Variants in ARMC2 observed in about 807,000 individuals in gnomAD.
ARMC2 encodes the protein armadillo repeat-containing protein 2.
ARMC2 carries 67 observed loss-of-function variants against 90.3 expected under a neutral mutation model. That is an observed-to-expected ratio of 0.74 (90% CI 0.61 to 0.91). The LOEUF (loss-of-function observed/expected upper bound fraction) is 0.91, where lower values mean the gene tolerates loss of function less well. Among genes scored for constraint, ARMC2 ranks in the 40% least tolerant of loss-of-function variants. The pLI is 0.00. For synonymous variants in ARMC2, 393 were observed against 393.0 expected (o/e 1.00, Z 0.00); for missense variants, 920 against 1,030.9 (o/e 0.89, Z 1.47).
In ARMC2 at chr6:108,944,045, C is replaced by T. The variant is rs551286542; in HGVS notation, c.1596+7046C>T. The stretch of plus-strand genomic sequence containing the variant: ...TCAAATGAACAGCAGGTTTTGAGAC[C>T]CTATGGTTTAAGTTATTAAGGTGGT... On this transcript the variant is annotated intron_variant, in intron 12 of 17. Coordinates refer to ENST00000392644, the MANE Select transcript of ARMC2 (RefSeq NM_032131.6). 4.6e-5 allele frequency among the ~76,000 whole-genome samples: 7 copies of T among 152,114 alleles called. No individual in the cohort carries two copies. The East Asian group carries it at 1.4e-3, about 29-fold the overall frequency.
chr6:108,992,308 G>A, the ARMC2 span, among the ~76,000 whole-genome samples: 255 of 152,020 alleles, frequency 1.7e-3, 12 homozygotes, highest in South Asian at 0.051. Context: ...TGGAGACAGG[G>A]TTTCCCCTTG....
chr6:108,887,993 C>T (rs1394704846), intron 5 of ARMC2, among the ~76,000 whole-genome samples: 1 of 152,148 alleles, frequency 6.6e-6, no homozygotes. Context: ...ATTAGAGACA[C>T]CCACCACTGT....
intron 11 of ARMC2, among the ~76,000 whole-genome samples, chr6:108,933,366 C>A (rs1775732139): frequency 6.6e-6 from 1 of 151,976 alleles, no homozygotes; most frequent in African/African-American, 2.4e-5. Context: ...CGGCTCTCTG[C>A]TTGGCTGTTG....
intron 3 of ARMC2, among the ~76,000 whole-genome samples, chr6:108,861,600 A>G (rs1422051677): frequency 6.6e-6 from 1 of 152,234 alleles, no homozygotes; most frequent in Non-Finnish European, 1.5e-5. Context: ...GCAGATGACA[A>G]AAACAAGATC....
At chr6:109,028,472 T>TTTG in the ARMC2 span, among the ~76,000 whole-genome samples, 65 of 152,184 alleles carry the variant, frequency 4.3e-4, no homozygotes, top group African/African-American at 1.5e-3. Flanking sequence ...TTTGCATGTA[T>TTTG]GTATGTTAAA....
chr6:108,914,581 C>A (rs1773762732), intron 10 of ARMC2, among the ~76,000 whole-genome samples: 1 of 152,126 alleles, frequency 6.6e-6, no homozygotes, highest in South Asian at 2.1e-4. Flanking sequence ...TGATGGCATC[C>A]ACCCGAACTT....
chr6:108,861,899 A>G (rs1175093482), intron 3 of ARMC2, among the ~76,000 whole-genome samples: 1 of 152,132 alleles, frequency 6.6e-6, no homozygotes, highest in Non-Finnish European at 1.5e-5. Flanking sequence ...AAAGAATCTC[A>G]TTTTCTAGAG....
the ARMC2 span, among the ~76,000 whole-genome samples, chr6:109,042,100 A>G: frequency 6.6e-6 from 1 of 152,260 alleles, no homozygotes; most frequent in South Asian, 2.1e-4. Flanking sequence ...ACACTCAGAA[A>G]TAATTCATGA....
the ARMC2 span, among the ~76,000 whole-genome samples, chr6:109,048,064 CTG>C: frequency 1.3e-5 from 2 of 148,942 alleles, no homozygotes; most frequent in Admixed American, 6.7e-5. Context: ...AAATCCCCCT[CTG>C]TGAGAAACAC....
At position 108,961,145 on chromosome 6, in the gene ARMC2, C is replaced by T. The variant is rs75792790; in HGVS notation, c.1916-427C>T. ...CGTAGTCACAGACGGATCGTGACCCCGGGGCCGTTCTGTTGGGAGGCGGTG... is the reference window on the plus strand; with the variant it reads ...CGTAGTCACAGACGGATCGTGACCCTGGGGCCGTTCTGTTGGGAGGCGGTG... On this transcript the variant is annotated intron_variant, in intron 13 of 17. Transcript: ENST00000392644. 2.0e-3 allele frequency among the ~76,000 whole-genome samples: 311 copies of T among 152,222 alleles called. 2 individuals carry two copies. The highest frequency in any genetic ancestry group is 7.1e-3 in the African/African-American group (297 of 41,542).
At chr6:109,047,294 G>C in the ARMC2 span, among the ~76,000 whole-genome samples, 1 of 116,988 alleles carries the variant, frequency 8.5e-6, no homozygotes, top group African/African-American at 3.2e-5. Flanking sequence ...CCCCTACTGG[G>C]AAGTGAGGAG....
At chr6:108,879,099 T>A (rs1777222255) in intron 5 of ARMC2, among the ~76,000 whole-genome samples, 1 of 148,440 alleles carries the variant, frequency 6.7e-6, no homozygotes, top group Admixed American at 6.7e-5. Flanking sequence ...CCATCTGTCA[T>A]CCACCCATCC....
At chr6:108,920,153 CACT>C (rs1562390054) in intron 10 of ARMC2, among the ~76,000 whole-genome samples, 3 of 152,016 alleles carry the variant, frequency 2.0e-5, no homozygotes, top group African/African-American at 7.3e-5. Flanking sequence ...TGGTATTGAT[CACT>C]ACACTGGCTA....
At chr6:108,929,896 C>G (rs1029000073) in intron 11 of ARMC2, among the ~76,000 whole-genome samples, 1 of 152,040 alleles carries the variant, frequency 6.6e-6, no homozygotes, top group Non-Finnish European at 1.5e-5. Flanking sequence ...TCACTTAAGC[C>G]CAAGAATCTG....
chr6:108,854,087 T>G, intron 1 of ARMC2, 138 bp from the exon 2 acceptor site: 1 of 502,980 alleles, frequency 2.0e-6, no homozygotes, highest in South Asian at 2.2e-5. Flanking sequence ...TGTTCTCAGA[T>G]CCTAACCTTC....
the ARMC2 span, among the ~76,000 whole-genome samples, chr6:108,996,268 G>A: frequency 6.6e-6 from 1 of 152,138 alleles, no homozygotes; most frequent in Non-Finnish European, 1.5e-5. Context: ...CAGTTATACT[G>A]AAATGCCCAG....
Position 108,899,351 on chromosome 6 carries a change from G to C in ARMC2, c.749-343G>C, listed in dbSNP as rs146530202. Among the ~76,000 whole-genome samples the C allele has an allele frequency of 1.4e-3, 220 of 152,138 alleles. 1 individual carries two copies. The highest frequency in any genetic ancestry group is 4.9e-3 in the African/African-American group (205 of 41,500). ...AATCCTTATTCTTTATATATCTATA[G>C]TTACCTATTCTACATTACAGAGGGA... On this transcript the variant is annotated intron_variant, in intron 6 of 17. Coordinates refer to ENST00000392644, the MANE Select transcript of ARMC2 (RefSeq NM_032131.6).
chr6:109,020,119 C>A, the ARMC2 span, among the ~76,000 whole-genome samples: 108 of 152,304 alleles, frequency 7.1e-4, 1 homozygote, highest in Admixed American at 4.1e-3. Context: ...TTTAGCCAAT[C>A]ACAAAGCAGA....
chr6:109,011,490 C>T, the ARMC2 span, among the ~76,000 whole-genome samples: 1 of 152,132 alleles, frequency 6.6e-6, no homozygotes, highest in Non-Finnish European at 1.5e-5. Context: ...ACCTAAATTC[C>T]TCAAAGAGTA....
Sources: allele counts gnomAD v4.1 joint callset (sites outside exome capture counted in the v4.1 genomes callset), GRCh38; gene constraint gnomAD v4.1.1; transcripts MANE v1.5; gene names NCBI Gene and HGNC (gene_info 2026-07-23, HGNC 2026-07-21).